The following ZNF722 variants were observed in gnomAD, a reference collection of about 807,000 sequenced individuals.
The protein encoded by ZNF722 is zinc finger protein 722, also known as zinc finger protein 479 pseudogene.
At chr7:64,004,430 A>ATATATATGTT in the ZNF722 span, among the ~76,000 whole-genome samples, 1 of 99,158 alleles carries the variant, frequency 1.0e-5, no homozygotes, top group Non-Finnish European at 2.1e-5. Flanking sequence ...AAAAAAATAT[A>ATATATATGTT]TATATATATA....
chr7:64,014,059 A>G, the ZNF722 span, among the ~76,000 whole-genome samples: 2 of 151,988 alleles, frequency 1.3e-5, no homozygotes, highest in African/African-American at 4.8e-5. Flanking sequence ...TCCCAAGATT[A>G]TCTTCTGGTT....
chr7:64,015,118 G>A, the ZNF722 span: 6 of 1,429,180 alleles, frequency 4.2e-6, no homozygotes, highest in South Asian at 3.4e-5. Context: ...TATGGAAAAT[G>A]TGGACATGAG....
the ZNF722 span, among the ~76,000 whole-genome samples, chr7:64,000,371 C>T: frequency 6.7e-6 from 1 of 149,360 alleles, no homozygotes; most frequent in African/African-American, 2.5e-5. Context: ...TCAGGTGATC[C>T]ACCCACCTGG....
the ZNF722 span, among the ~76,000 whole-genome samples, chr7:64,009,182 A>G: frequency 2.0e-5 from 3 of 152,222 alleles, no homozygotes; most frequent in Non-Finnish European, 4.4e-5. Flanking sequence ...CAATCATGTC[A>G]TCTGCAGCCA....
chr7:64,003,336 T>G, the ZNF722 span, among the ~76,000 whole-genome samples: 35 of 152,322 alleles, frequency 2.3e-4, 1 homozygote, highest in African/African-American at 7.7e-4. Context: ...AATGGGTGAA[T>G]GTTTTCTGCA....
At chr7:64,007,246 A>ATATATATATATATATATATATATT in the ZNF722 span, among the ~76,000 whole-genome samples, 197 of 145,544 alleles carry the variant, frequency 1.4e-3, no homozygotes, top group African/African-American at 4.6e-3. Flanking sequence ...ATATATATAT[A>ATATATATATATATATATATATATT]TATATATATT....
chr7:64,004,594 G>A, the ZNF722 span, among the ~76,000 whole-genome samples: 2 of 151,292 alleles, frequency 1.3e-5, no homozygotes, highest in East Asian at 1.9e-4. Flanking sequence ...CTTGGTTCAC[G>A]ATGTCTCTGA....
chr7:64,003,127 A>G, the ZNF722 span, among the ~76,000 whole-genome samples: 90,623 of 152,012 alleles, frequency 0.6, 28,150 homozygotes, highest in Non-Finnish European at 0.7. Context: ...CAACCTTTGC[A>G]TCAAAGGAAG....
the ZNF722 span, among the ~76,000 whole-genome samples, chr7:64,002,931 C>CAGCACAGCTGCAGCACAGCA: frequency 2.0e-5 from 3 of 152,172 alleles, no homozygotes; most frequent in Non-Finnish European, 2.9e-5. Flanking sequence ...GCTGTGCCTG[C>CAGCACAGCTGCAGCACAGCA]TTTCTCTCGC....
chr7:64,006,324 G>C, the ZNF722 span: 4 of 1,297,716 alleles, frequency 3.1e-6, no homozygotes, highest in Non-Finnish European at 4.3e-6. Flanking sequence ...ACCCAGGTAG[G>C]TGAGAGCGAA....
chr7:64,004,319 G>A, the ZNF722 span, among the ~76,000 whole-genome samples: 1 of 148,508 alleles, frequency 6.7e-6, no homozygotes, highest in Non-Finnish European at 1.5e-5. Context: ...TGAGGCAGGA[G>A]AATTGCTTGA....
the ZNF722 span, among the ~76,000 whole-genome samples, chr7:64,002,572 G>A: frequency 6.6e-6 from 1 of 152,140 alleles, no homozygotes; most frequent in Middle Eastern, 3.4e-3. Context: ...TAATGATAGA[G>A]AAACATAAGA....
chr7:64,017,600 T>C, the ZNF722 span, among the ~76,000 whole-genome samples: 1 of 152,184 alleles, frequency 6.6e-6, no homozygotes, highest in Non-Finnish European at 1.5e-5. Context: ...ATCAGAGAAT[T>C]TATATTTGAG....
chr7:64,015,949 T>A, the ZNF722 span: 2 of 1,246,204 alleles, frequency 1.6e-6, no homozygotes, highest in South Asian at 1.3e-5. Flanking sequence ...TCAGGCCTTA[T>A]AATACATACA....
chr7:64,004,150 C>T, the ZNF722 span, among the ~76,000 whole-genome samples: 5 of 151,720 alleles, frequency 3.3e-5, no homozygotes, highest in East Asian at 3.9e-4. Context: ...CTTGTAATCC[C>T]GGCACTTTGG....
chr7:64,004,709 G>T, the ZNF722 span, among the ~76,000 whole-genome samples: 1 of 151,912 alleles, frequency 6.6e-6, no homozygotes, highest in Admixed American at 6.6e-5. Flanking sequence ...TCTGGAATCT[G>T]TCCTTTCTTT....
At chr7:64,008,712 G>A in the ZNF722 span, among the ~76,000 whole-genome samples, 1 of 152,178 alleles carries the variant, frequency 6.6e-6, no homozygotes, top group East Asian at 1.9e-4. Context: ...GCTTAGTATT[G>A]TCTTGGCAAT....
the ZNF722 span, among the ~76,000 whole-genome samples, chr7:64,012,789 G>A: frequency 3.3e-5 from 5 of 152,290 alleles, no homozygotes; most frequent in Middle Eastern, 3.4e-3. Context: ...GTAATCTCCA[G>A]TGTTGGATGT....
chr7:64,011,969 AACTTCTCTTCTCACTTCATTTC>A, the ZNF722 span, among the ~76,000 whole-genome samples: 15 of 151,492 alleles, frequency 9.9e-5, no homozygotes, highest in African/African-American at 3.4e-4. Flanking sequence ...TTTTTCTCTA[AACTTCTCTTCTCACTTCATTTC>A]ACTTCTCTTC....
Sources: allele counts gnomAD v4.1 joint callset (sites outside exome capture counted in the v4.1 genomes callset), GRCh38; gene constraint gnomAD v4.1.1; transcripts MANE v1.5; gene names NCBI Gene and HGNC (gene_info 2026-07-23, HGNC 2026-07-21).